The following PPM1H variants were observed in gnomAD, a reference collection of about 807,000 sequenced individuals.
The protein encoded by PPM1H is protein phosphatase 1H.
In PPM1H, 27 loss-of-function variants were observed where a neutral mutation model predicts 54.9. That is an observed-to-expected ratio of 0.49 (90% CI 0.36 to 0.68). The LOEUF is 0.68. Ranked by LOEUF, PPM1H falls within the 30% of genes least tolerant of loss-of-function variation. The pLI, the probability that PPM1H is intolerant of heterozygous loss-of-function variation, is 0.00. For missense variants in PPM1H, 596 were observed against 667.8 expected (o/e 0.89, Z 1.19); for synonymous variants, 305 against 270.8 (o/e 1.13, Z -1.24).
intron 1 of PPM1H, among the ~76,000 whole-genome samples, chr12:62,843,346 A>T (rs1868828992): frequency 6.6e-6 from 1 of 152,108 alleles, no homozygotes; most frequent in African/African-American, 2.4e-5. Flanking sequence ...CAAACAAAAA[A>T]CCACAAGTGT....
chr12:62,717,691 A>G (rs888416732), intron 6 of PPM1H, among the ~76,000 whole-genome samples: 1 of 152,216 alleles, frequency 6.6e-6, no homozygotes, highest in Non-Finnish European at 1.5e-5. Context: ...CAAACAAAAC[A>G]CAAAAGCAGA....
chr12:62,766,963 G>A (rs1255291271), intron 4 of PPM1H, among the ~76,000 whole-genome samples: 2 of 152,332 alleles, frequency 1.3e-5, no homozygotes, highest in African/African-American at 4.8e-5. Flanking sequence ...CTGAAAAGCA[G>A]TTACACCACC....
intron 4 of PPM1H, among the ~76,000 whole-genome samples, chr12:62,784,512 C>T (rs1033782272): frequency 4.6e-5 from 7 of 152,030 alleles, no homozygotes; most frequent in Admixed American, 3.9e-4. Context: ...TTTTTACTCT[C>T]GAAACTGTCA....
chr12:62,689,384 C>T (rs2076071350), intron 8 of PPM1H, among the ~76,000 whole-genome samples: 1 of 152,038 alleles, frequency 6.6e-6, no homozygotes, highest in Admixed American at 6.5e-5. Flanking sequence ...GCCTGGGCTG[C>T]CATTGAAGGT....
In PPM1H at chr12:62,838,753, CTACTAAAAAT is replaced by C. The variant is rs1868598562; in HGVS notation, c.246-6484_246-6475del. On this transcript the variant is annotated intron_variant, in intron 1 of 9. Coordinates refer to ENST00000228705, the MANE Select transcript of PPM1H (RefSeq NM_020700.2). ...TGGCTAACACGGTGAAACCCCGTCT[CTACTAAAAAT>C]ACAAAAAATTAGCCGGGCGTAGTGG... Among the ~76,000 whole-genome samples the C allele has an allele frequency of 1.5e-5, 2 of 129,190 alleles. 1 individual carries two copies. The highest frequency in any genetic ancestry group is 3.2e-5 in the Non-Finnish European group (2 of 61,742). The allele number at this position is 129,190 out of a possible 152,430, so 84.8% of individuals were successfully genotyped here.
At position 62,758,363 on chromosome 12, in the gene PPM1H, C is replaced by G. The variant is rs1451652670; in HGVS notation, c.870-20777G>C. On this transcript the variant is annotated intron_variant, in intron 4 of 9. Transcript: ENST00000228705. ...CTATCTCAGCATGATTCATCTATGC[C>G]TATAGCGTTCTCACCAAAGGGAGGT... is the stretch of plus-strand genomic sequence containing the variant. Among the ~76,000 whole-genome samples the G allele has an allele frequency of 2.0e-5, 3 of 152,194 alleles. No individual in the cohort carries two copies. In the East Asian group the frequency reaches 5.8e-4, roughly 29 times the overall value.
chr12:62,658,182 A>ATTTTTTTTTTTTTTTTTTT (rs1173229360), intron 9 of PPM1H, among the ~76,000 whole-genome samples: 3 of 87,534 alleles, frequency 3.4e-5, no homozygotes, highest in African/African-American at 8.9e-5. Flanking sequence ...AACACGGTGA[A>ATTTTTTTTTTTTTTTTTTT]TTTTTTTTTT....
At chr12:62,915,363 C>G (rs906311856) in intron 1 of PPM1H, among the ~76,000 whole-genome samples, 1 of 152,216 alleles carries the variant, frequency 6.6e-6, no homozygotes, top group African/African-American at 2.4e-5. Context: ...GCTGTCTGCT[C>G]CAGCACTGGC....
At chr12:62,709,047 C>A (rs900573026) in intron 6 of PPM1H, among the ~76,000 whole-genome samples, 1 of 152,122 alleles carries the variant, frequency 6.6e-6, no homozygotes, top group Admixed American at 6.6e-5. Flanking sequence ...ATTCAAAGTT[C>A]CCCATGAGCT....
chr12:62,920,623 C>CAAA (rs398055633), intron 1 of PPM1H, among the ~76,000 whole-genome samples: 15 of 121,572 alleles, frequency 1.2e-4, no homozygotes, highest in African/African-American at 4.2e-4. Context: ...CACCCGGCAT[C>CAAA]AAAAAAAAAA....
At chr12:62,911,847 G>A (rs1695032) in intron 1 of PPM1H, among the ~76,000 whole-genome samples, 93,595 of 151,832 alleles carry the variant, frequency 0.62, 29,401 homozygotes, top group Non-Finnish European at 0.68. Context: ...AACACTGGTT[G>A]GTTAGCCCTC....
At chr12:62,881,896 C>T (rs898635848) in intron 1 of PPM1H, among the ~76,000 whole-genome samples, 2 of 152,162 alleles carry the variant, frequency 1.3e-5, no homozygotes, top group African/African-American at 4.8e-5. Context: ...CCAGATCAGC[C>T]TTGTTCAACA....
chr12:62,775,611 G>A (rs939478000), intron 4 of PPM1H, among the ~76,000 whole-genome samples: 2 of 147,512 alleles, frequency 1.4e-5, no homozygotes, highest in African/African-American at 5.2e-5. Flanking sequence ...ATATATAAAT[G>A]AGTGTGTACA....
intron 4 of PPM1H, among the ~76,000 whole-genome samples, chr12:62,780,401 A>G (rs112667911): frequency 5.6e-4 from 86 of 152,286 alleles, no homozygotes; most frequent in African/African-American, 1.9e-3. Context: ...CCCAAGCTCA[A>G]GTGGTCCTCC....
At chr12:62,725,229 C>T (rs1380534611) in intron 5 of PPM1H, among the ~76,000 whole-genome samples, 3 of 152,212 alleles carry the variant, frequency 2.0e-5, no homozygotes, top group African/African-American at 7.2e-5. Context: ...TTCTTCCAAG[C>T]TGCTGGACAC....
At chr12:62,838,338 T>TGTGGG (rs375217752) in intron 1 of PPM1H, among the ~76,000 whole-genome samples, 6 of 93,320 alleles carry the variant, frequency 6.4e-5, no homozygotes, top group African/African-American at 1.0e-4. Context: ...TGTGTGTGTG[T>TGTGGG]GGGGGGGGGG....
chr12:62,799,707 C>G (rs2076755227), intron 3 of PPM1H, among the ~76,000 whole-genome samples: 1 of 152,172 alleles, frequency 6.6e-6, no homozygotes, highest in Non-Finnish European at 1.5e-5. Flanking sequence ...GGCTATCAGA[C>G]AGTCTTGAGA....
intron 8 of PPM1H, among the ~76,000 whole-genome samples, chr12:62,671,904 CTAATA>C (rs1281528698): frequency 6.6e-5 from 10 of 152,312 alleles, no homozygotes; most frequent in Admixed American, 1.3e-4. Context: ...TTCACACCCA[CTAATA>C]TAAGATTTAC....
intron 2 of PPM1H, among the ~76,000 whole-genome samples, chr12:62,831,608 C>G (rs1407463465): frequency 6.6e-6 from 1 of 151,866 alleles, no homozygotes; most frequent in Non-Finnish European, 1.5e-5. Flanking sequence ...CTCAAAGCAA[C>G]AGCCAGAGTT....
Sources: gnomAD v4.1 joint callset for allele counts (sites outside exome capture counted in the v4.1 genomes callset) on GRCh38, gnomAD v4.1.1 for gene constraint, MANE v1.5 for transcripts, NCBI Gene and HGNC (gene_info 2026-07-23, HGNC 2026-07-21) for gene names.